PRPF40B: variants seen among roughly 807,000 people sequenced by gnomAD.
PRPF40B encodes pre-mRNA processing factor 40B, also known as pre-mRNA-processing factor 40 homolog B.
A neutral mutation model predicts 124.5 loss-of-function variants in PRPF40B; 56 were observed. That is an observed-to-expected ratio of 0.45 (90% confidence interval 0.36 to 0.56). The LOEUF (loss-of-function observed/expected upper bound fraction) is 0.56, where lower values mean the gene tolerates loss of function less well. Among genes scored for constraint, PRPF40B ranks in the 20% least tolerant of loss-of-function variants. The pLI, the probability that PRPF40B is intolerant of heterozygous loss-of-function variation, is 0.00. For missense variants in PRPF40B, 1,053 were observed against 1,169.5 expected (o/e 0.90, Z 1.45); for synonymous variants, 443 against 426.4 (o/e 1.04, Z -0.48).
intron 1 of PRPF40B, among the ~76,000 whole-genome samples, chr12:49,625,680 G>A (rs1241449010): frequency 6.6e-6 from 1 of 152,176 alleles, no homozygotes; most frequent in Non-Finnish European, 1.5e-5. Flanking sequence ...AGATGATCAA[G>A]TGTCTCTTCA....
At position 49,642,914 on chromosome 12, in the gene PRPF40B, C is replaced by T; in HGVS notation, c.2119-16C>T. On this transcript the variant is annotated splice_polypyrimidine_tract_variant and intron_variant, in intron 21 of 25. Transcript: ENST00000548825. The surrounding 1 kb of genome is among the most constrained non-coding windows in gnomAD (Gnocchi z 5.8). ...GTCTGGTGCTGTCCTCACCCTTCTT[C>T]CTCTGCCTCTAGCAGACTGAATGCC... 1 of 1,609,116 alleles carries T rather than the reference C, an allele frequency of 6.2e-7. No homozygotes were observed. Among genetic ancestry groups the T allele is most frequent in the Non-Finnish European group, 8.5e-7 (1 of 1,177,336 alleles).
At position 49,632,640 on chromosome 12, in the gene PRPF40B, C is replaced by T. The variant is rs79252534; in HGVS notation, c.322+17C>T. 28,033 of 1,613,084 alleles carry T rather than the reference C, an allele frequency of 0.017. 394 individuals are homozygous for T. Among genetic ancestry groups the T allele is most frequent in the East Asian group, 0.055 (2,468 of 44,854 alleles). ...CCGCCAGCTGTGAGTCTTCTGGGGG[C>T]CTGCTCCCCCCAGGCTCGGAGGTTG... On this transcript the variant is annotated intron_variant, in intron 5 of 25. Transcript: ENST00000548825.
At chr12:49,623,493 C>A, upstream of PRPF40B, 1 of 1,213,676 alleles carries the variant, frequency 8.2e-7, no homozygotes, top group Non-Finnish European at 1.0e-6. Flanking sequence ...GGGGTGCGAC[C>A]CCCCGCCGGC....
chr12:49,635,851 C>T lies in PRPF40B; in HGVS notation c.1284C>T (p.Ala428=), dbSNP rs373066814. The T allele has an allele frequency of 9.9e-6, 16 of 1,613,842 alleles. No individual in the cohort carries two copies. The highest frequency in any genetic ancestry group is 1.3e-5 in the Non-Finnish European group (15 of 1,179,928). Reference sequence around the variant, plus strand: ...ATCCTGTGGCTCCCTAGGAACAGGCCAAGCAGCTCCGGCGCCGCAATATCC... The same window carrying T: ...ATCCTGTGGCTCCCTAGGAACAGGCTAAGCAGCTCCGGCGCCGCAATATCC... ...FFLAKKEKEQ[A]KQLRRRNIQA... Residue 428 remains alanine (A), a synonymous_variant, in exon 15 of 26, where the codon GCC becomes GCT. Transcript: ENST00000548825. This position sits in a 1 kb window ranked among gnomAD's most constrained non-coding sequence, Gnocchi z 4.1.
intron 1 of PRPF40B, 145 bp downstream of exon 1, chr12:49,623,738 G>C (rs1940419511): frequency 1.0e-6 from 1 of 960,920 alleles, no homozygotes; most frequent in African/African-American, 1.8e-5. Flanking sequence ...TGAGGGAAGA[G>C]AGCCCGGGAG....
At chr12:49,628,088 C>G (rs1203545224) in intron 1 of PRPF40B, among the ~76,000 whole-genome samples, 1 of 152,128 alleles carries the variant, frequency 6.6e-6, no homozygotes, top group Non-Finnish European at 1.5e-5. Flanking sequence ...ATTGTATTTC[C>G]TCCACTATTG....
At chr12:49,638,439 A>G (rs530137287) in intron 18 of PRPF40B, 2 of 152,374 alleles carry the variant, frequency 1.3e-5, no homozygotes, top group African/African-American at 2.4e-5. Context: ...CATCCTTCTC[A>G]CCATTCCTTA....
At chr12:49,641,707 A>C in intron 18 of PRPF40B, 2 of 583,776 alleles carry the variant, frequency 3.4e-6, no homozygotes, top group Non-Finnish European at 6.1e-6. Context: ...TCTGTGTGAC[A>C]TCCAAACCAA....
chr12:49,634,086 C>A lies in PRPF40B; in HGVS notation c.806C>A (p.Pro269His), dbSNP rs779568221. ...QGFLQQLEEG[P>H]SSSGQHQPQQ... is the part of the protein sequence containing the mutation. Reference sequence around the variant, plus strand: ...TTCCTGCAGCAGCTGGAGGAGGGCCCCAGCAGGTGAGGGCTGCCCCCCATG... The same window carrying A: ...TTCCTGCAGCAGCTGGAGGAGGGCCACAGCAGGTGAGGGCTGCCCCCCATG... Residue 269 changes from proline (P) to histidine (H), a missense_variant, in exon 10 of 26, where the codon CCC becomes CAC. By Grantham distance (77) the Pro-to-His change is moderately conservative. This residue lies in a region of PRPF40B where 895 missense variants were observed against 1,052.2 expected (regional missense o/e 0.85). Coordinates refer to ENST00000548825, the MANE Select transcript of PRPF40B (RefSeq NM_001031698.3). 3 of 1,612,158 alleles carry A rather than the reference C, an allele frequency of 1.9e-6. No homozygotes were observed. Among genetic ancestry groups the A allele is most frequent in the Non-Finnish European group, 2.5e-6 (3 of 1,179,690 alleles).
intron 4 of PRPF40B, 172 bp downstream of exon 4, chr12:49,632,097 CTA>C (rs1941281094): frequency 1.5e-6 from 1 of 685,654 alleles, no homozygotes; most frequent in Non-Finnish European, 2.6e-6. Context: ...CTCAGCTCTT[CTA>C]GTTTCCCACT....
Position 49,642,998 on chromosome 12 carries a change from G to A in PRPF40B, c.2187G>A (p.Lys729=). The change falls in exon 22 of 26, where the codon AAG becomes AAA. Residue 729 remains lysine (K), a synonymous_variant. Coordinates refer to ENST00000548825, the MANE Select transcript of PRPF40B (RefSeq NM_001031698.3). This position sits in a 1 kb window ranked among gnomAD's most constrained non-coding sequence, Gnocchi z 5.8. ...GGAAAGGCAAGAAGCACCATCACAA[G>A]CGTTCCCACTCACCCTCAGTGAGTA... ...HGRKGKKHHH[K]RSHSPSGSES... The A allele has an allele frequency of 2.5e-6, 4 of 1,613,790 alleles. No individual in the cohort carries two copies. The South Asian group carries it at 3.3e-5, about 13-fold the overall frequency.
intron 1 of PRPF40B, among the ~76,000 whole-genome samples, chr12:49,627,591 T>TG (rs1249263696): frequency 6.6e-6 from 1 of 152,030 alleles, no homozygotes; most frequent in African/African-American, 2.4e-5. Context: ...GAGCTCAGCA[T>TG]GGGGGAGATT....
rs551669103 is a variant in PRPF40B, at chr12:49,634,081, G to C, written c.801G>C (p.Glu267Asp). ...AGGGGTTCCTGCAGCAGCTGGAGGA[G>C]GGCCCCAGCAGGTGAGGGCTGCCCC... Reference protein sequence around the residue: ...LEQGFLQQLEEGPSSSGQHQP... With the variant: ...LEQGFLQQLEDGPSSSGQHQP... Residue 267 changes from glutamate to aspartate, a missense_variant, in exon 10 of 26, where the codon GAG becomes GAC. Around this residue, in one of 2 missense-constraint regions of PRPF40B, gnomAD observed 895 missense variants for 1,052.2 expected, o/e 0.85. Coordinates refer to ENST00000548825, the MANE Select transcript of PRPF40B (RefSeq NM_001031698.3). 37 of 1,612,506 alleles carry C rather than the reference G, an allele frequency of 2.3e-5. 1 individual carries two copies. In the South Asian group the frequency reaches 4.0e-4, roughly 17 times the overall value.
Position 49,623,628 on chromosome 12 carries a change from GCGGTCCCA to G in PRPF40B, c.3+37_3+44del, listed in dbSNP as rs956402160. ...CCGCGCGGGGGTGGAGGGGCTCGGG[GCGGTCCCA>G]CAGCGCCCCCTGCGGCCCGGGCCGT... On this transcript the variant is annotated intron_variant, in intron 1 of 25. Coordinates refer to ENST00000548825, the MANE Select transcript of PRPF40B (RefSeq NM_001031698.3). 9 of 1,231,440 alleles carry G rather than the reference GCGGTCCCA, an allele frequency of 7.3e-6. No homozygotes were observed. The African/African-American group carries it at 1.4e-4, about 19-fold the overall frequency. 76.3% of individuals were successfully genotyped at this position (1,231,440 alleles called of 1,614,324 possible).
Position 49,632,996 on chromosome 12 carries a change from G to GGGGGGGCCCCCC in PRPF40B, c.349-18_349-17insGGGGGGCCCCCC. On this transcript the variant is annotated splice_polypyrimidine_tract_variant and intron_variant, in intron 6 of 25. Coordinates refer to ENST00000548825, the MANE Select transcript of PRPF40B (RefSeq NM_001031698.3). ...AAAGGGGCCTTGACCACCATTCTGT[G>GGGGGGGCCCCCC]CCCCCCCCCCCACCCAGAGGGCCCT... 6.1e-6 allele frequency: 7 copies of GGGGGGGCCCCCC among 1,147,378 alleles called. No individual in the cohort carries two copies. The highest frequency in any genetic ancestry group is 8.5e-6 in the Non-Finnish European group (7 of 822,992). The allele number at this position is 1,147,378 out of a possible 1,614,324, so 71.1% of individuals were successfully genotyped here.
chr12:49,643,286 C>T lies in PRPF40B; in HGVS notation c.2269C>T (p.Arg757Trp), dbSNP rs1462672225. 13 of 1,613,580 alleles carry T rather than the reference C, an allele frequency of 8.1e-6. No homozygotes were observed. The highest frequency in any genetic ancestry group is 5.5e-5 in the South Asian group (5 of 90,964). Residue 757 changes from arginine to tryptophan, a missense_variant, in exon 23 of 26, where the codon CGG (arginine) becomes TGG (tryptophan). Transcript: ENST00000548825. ...PSLRPPKRRR[R>W]NPSESGSEPS... ...TCTCCGGCCCCCCAAGCGGAGGAGG[C>T]GGAACCCCTCAGAGTCAGGCTCTGA... is the stretch of plus-strand genomic sequence containing the variant.
intron 4 of PRPF40B, chr12:49,632,128 C>T: frequency 1.6e-6 from 1 of 630,962 alleles, no homozygotes; most frequent in Non-Finnish European, 2.8e-6. Flanking sequence ...AAGGCATATA[C>T]ATTCTCTTGT....
intron 18 of PRPF40B, chr12:49,641,605 G>A: frequency 2.7e-6 from 1 of 364,032 alleles, no homozygotes; most frequent in Non-Finnish European, 5.1e-6. Flanking sequence ...GGGCCCAGCT[G>A]GGGCCAGAGC....
chr12:49,642,895 T>G lies in PRPF40B; in HGVS notation c.2119-35T>G. The G allele has an allele frequency of 1.3e-6, 2 of 1,592,360 alleles. No homozygotes were observed. Among genetic ancestry groups the G allele is most frequent in the Non-Finnish European group, 1.7e-6 (2 of 1,167,300 alleles). ...GGATCCTTCCTGGGGCTAAGTCTGG[T>G]GCTGTCCTCACCCTTCTTCCTCTGC... On this transcript the variant is annotated intron_variant, in intron 21 of 25. Transcript: ENST00000548825. This position sits in a 1 kb window ranked among gnomAD's most constrained non-coding sequence, Gnocchi z 5.8.
Sources: gnomAD v4.1 joint callset for allele counts (sites outside exome capture counted in the v4.1 genomes callset) on GRCh38, gnomAD v4.1.1 for gene constraint, gnomAD v4.1.1 regional missense constraint, Gnocchi (gnomAD v3.1) non-coding constraint, MANE v1.5 for transcripts, NCBI Gene and HGNC (gene_info 2026-07-23, HGNC 2026-07-21) for gene names.